Variants in ITPR1 observed in about 807,000 individuals in gnomAD.
ITPR1 encodes inositol 1,4,5-trisphosphate-gated calcium channel ITPR1.
Under a neutral mutation model 318.4 loss-of-function variants are expected in ITPR1, and 96 were observed. The ratio of observed to expected loss-of-function variants is 0.30; its 90% CI spans 0.26 to 0.36. ITPR1 has a LOEUF of 0.36. Among genes scored for constraint, ITPR1 ranks in the 10% least tolerant of loss-of-function variants. The pLI, the probability that ITPR1 is intolerant of heterozygous loss-of-function variation, is 1.00. For missense variants in ITPR1, 2,440 were observed against 3,460.2 expected, an observed-to-expected ratio of 0.71 and a Z score of 7.40; for synonymous variants, 1,312 against 1,289.9, an observed-to-expected ratio of 1.02 and a Z score of -0.37.
intron 8 of ITPR1, 123 bp from the exon 9 acceptor site, chr3:4,645,264 A>G (rs1038818945): frequency 3.8e-5 from 27 of 708,930 alleles, no homozygotes; most frequent in Non-Finnish European, 5.9e-5. Context: ...AGTGGCGTCA[A>G]TCTTTAGAGT....
At chr3:4,794,398 C>A (rs994318561) in intron 52 of ITPR1, among the ~76,000 whole-genome samples, 1 of 152,216 alleles carries the variant, frequency 6.6e-6, no homozygotes, top group African/African-American at 2.4e-5. Context: ...GAGATGGGAA[C>A]TCTGCTGCTG....
In ITPR1 at chr3:4,667,360, T is replaced by C. The variant is rs2093973438; in HGVS notation, c.1714-17T>C. On this transcript the variant is annotated splice_polypyrimidine_tract_variant and intron_variant, in intron 17 of 61. Transcript: ENST00000649015. ...ATTTATCCTTCCTACTGACGTCTCTTTTCTCTCCTTATAAAGGAGTATATA... is the reference window on the plus strand; with the variant it reads ...ATTTATCCTTCCTACTGACGTCTCTCTTCTCTCCTTATAAAGGAGTATATA... 6.3e-7 allele frequency: 1 copy of C among 1,582,124 alleles called. No homozygotes were observed. The highest frequency in any genetic ancestry group is 8.6e-7 in the Non-Finnish European group (1 of 1,161,764).
chr3:4,634,204 T>A (rs751051256), intron 5 of ITPR1, among the ~76,000 whole-genome samples: 9 of 152,100 alleles, frequency 5.9e-5, no homozygotes, highest in Non-Finnish European at 1.2e-4. Context: ...AGGTAACACA[T>A]TTAAGATGCC....
chr3:4,629,477 C>T (rs1036593542), intron 5 of ITPR1, among the ~76,000 whole-genome samples: 7 of 152,248 alleles, frequency 4.6e-5, no homozygotes, highest in East Asian at 1.9e-4. Context: ...TTAGTAGCTT[C>T]GTTAATTATC....
At chr3:4,669,919 G>T (rs932491926) in intron 19 of ITPR1, 146 bp downstream of exon 19, 1 of 861,106 alleles carries the variant, frequency 1.2e-6, no homozygotes, top group Non-Finnish European at 1.6e-6. Context: ...GAAAAGTCTT[G>T]ATTAGGAGAA....
chr3:4,762,216 T>A (rs1273488958), intron 44 of ITPR1, among the ~76,000 whole-genome samples: 1 of 152,214 alleles, frequency 6.6e-6, no homozygotes, highest in Admixed American at 6.5e-5. Flanking sequence ...GTTGCCCAGG[T>A]AGGCCTTGTA....
chr3:4,540,647 G>A (rs1457871139), intron 4 of ITPR1, among the ~76,000 whole-genome samples: 1 of 152,124 alleles, frequency 6.6e-6, no homozygotes, highest in East Asian at 1.9e-4. Flanking sequence ...GAGTACAGTG[G>A]CTTGATCTCG....
At position 4,798,565 on chromosome 3, in the gene ITPR1, T is replaced by C. The variant is rs140441780; in HGVS notation, c.6932-1860T>C. On this transcript the variant is annotated intron_variant, in intron 53 of 61. Transcript: ENST00000649015. Reference sequence around the variant, plus strand: ...TGGTATTGTCTTTTAAAGTTAAACATATCTGTAGGATCCAACATTCTACTT... The same window carrying C: ...TGGTATTGTCTTTTAAAGTTAAACACATCTGTAGGATCCAACATTCTACTT... Among the ~76,000 whole-genome samples the C allele has an allele frequency of 6.4e-3, 972 of 152,336 alleles. 17 individuals are homozygous for C. The highest frequency in any genetic ancestry group is 0.062 in the South Asian group (300 of 4,824).
Position 4,627,894 on chromosome 3 carries a change from G to A in ITPR1, c.279+16G>A, listed in dbSNP as rs757773705. On this transcript the variant is annotated intron_variant, in intron 5 of 61. Transcript: ENST00000649015. ...CAAACTGCACGTACGTATTGCCATG[G>A]GGCTGTCGATGGGGCAGTAGTGAGT... is the stretch of plus-strand genomic sequence containing the variant. 3 of 1,556,928 alleles carry A rather than the reference G, an allele frequency of 1.9e-6. No individual in the cohort carries two copies. The Admixed American group carries it at 5.1e-5, about 26-fold the overall frequency.
chr3:4,652,676 C>T (rs1364617267), intron 11 of ITPR1, among the ~76,000 whole-genome samples: 1 of 152,098 alleles, frequency 6.6e-6, no homozygotes, highest in Non-Finnish European at 1.5e-5. Context: ...AGTGGCTTAT[C>T]TTTTACTTGT....
chr3:4,807,601 A>G (rs544155622), intron 55 of ITPR1, among the ~76,000 whole-genome samples: 33 of 152,258 alleles, frequency 2.2e-4, no homozygotes, highest in African/African-American at 6.3e-4. Context: ...CCAAAACACC[A>G]TAAGGAATTC....
chr3:4,711,603 TC>T (rs1375468133), intron 38 of ITPR1, 153 bp from the exon 39 acceptor site: 13 of 595,672 alleles, frequency 2.2e-5, no homozygotes, highest in Admixed American at 8.8e-5. Flanking sequence ...AACTGGCTGT[TC>T]TCAGTGCAGG....
chr3:4,503,545 G>A (rs528330547), intron 2 of ITPR1, among the ~76,000 whole-genome samples: 1 of 152,316 alleles, frequency 6.6e-6, no homozygotes, highest in Admixed American at 6.5e-5. Flanking sequence ...GGGACAGGGA[G>A]AGTGATTTGT....
Position 4,653,983 on chromosome 3 carries a change from G to T in ITPR1, c.996+97G>T, listed in dbSNP as rs2093651291. 5.9e-6 allele frequency: 5 copies of T among 849,388 alleles called. No homozygotes were observed. In the South Asian group the frequency reaches 6.3e-5, roughly 11 times the overall value. 52.6% of individuals were successfully genotyped at this position (849,388 alleles called of 1,614,324 possible). On this transcript the variant is annotated intron_variant, in intron 12 of 61. Transcript: ENST00000649015. The stretch of plus-strand genomic sequence containing the variant: ...GAAACTGTCACTGTGGTCACGGAGT[G>T]CTGGGGAAGGAGGAACCTTAGGCTC...
At chr3:4,655,623 T>C (rs2093689013) in intron 12 of ITPR1, among the ~76,000 whole-genome samples, 2 of 152,194 alleles carry the variant, frequency 1.3e-5, no homozygotes, top group African/African-American at 4.8e-5. Context: ...AGGATCTTCC[T>C]GGTACAGAGG....
At chr3:4,800,306 G>A (rs2048145083) in intron 53 of ITPR1, 119 bp from the exon 54 acceptor site, 1 of 965,726 alleles carries the variant, frequency 1.0e-6, no homozygotes, top group African/African-American at 1.6e-5. Context: ...TGAGGTGAGA[G>A]TTGGGACTGG....
At chr3:4,776,338 G>A (rs541755633) in intron 47 of ITPR1, among the ~76,000 whole-genome samples, 7 of 152,276 alleles carry the variant, frequency 4.6e-5, no homozygotes, top group Admixed American at 3.9e-4. Flanking sequence ...CCAAAGTGCT[G>A]GGATTACAGG....
At chr3:4,528,534 C>G (rs753331734) in intron 4 of ITPR1, among the ~76,000 whole-genome samples, 4 of 152,128 alleles carry the variant, frequency 2.6e-5, no homozygotes, top group Non-Finnish European at 5.9e-5. Flanking sequence ...TTTCTTTTGG[C>G]AAGGCATCGA....
chr3:4,776,131 T>A (rs1233887966), intron 47 of ITPR1, among the ~76,000 whole-genome samples: 1 of 152,194 alleles, frequency 6.6e-6, no homozygotes, highest in Non-Finnish European at 1.5e-5. Flanking sequence ...CAGGCTGGAG[T>A]GCAGTGGTGC....
Sources: gnomAD v4.1 joint callset for allele counts (sites outside exome capture counted in the v4.1 genomes callset) on GRCh38, gnomAD v4.1.1 for gene constraint, MANE v1.5 for transcripts, NCBI Gene and HGNC (gene_info 2026-07-23, HGNC 2026-07-21) for gene names.